Variants in SECISBP2 observed in about 807,000 individuals in gnomAD.
The protein encoded by SECISBP2 is selenocysteine insertion sequence-binding protein 2.
A neutral mutation model predicts 98.2 loss-of-function variants in SECISBP2; 96 were observed. That is an observed-to-expected ratio of 0.98 (90% confidence interval 0.83 to 1.16). The LOEUF (loss-of-function observed/expected upper bound fraction) is 1.16. SECISBP2 is among the 50% of genes most tolerant of loss of function. SECISBP2 has a pLI of 0.00. For synonymous variants in SECISBP2, 407 were observed against 370.2 expected, an observed-to-expected ratio of 1.10 and a Z score of -1.14; for missense variants, 1,046 against 1,022.9, an observed-to-expected ratio of 1.02 and a Z score of -0.31.
intron 5 of SECISBP2, 160 bp downstream of exon 5, chr9:89,329,046 T>G (rs1827271229): frequency 1.6e-6 from 1 of 637,872 alleles, no homozygotes; most frequent in Non-Finnish European, 2.8e-6. Context: ...ATGACCTTCT[T>G]TGTTTGAACA....
chr9:89,353,780 A>G (rs1782215673), intron 14 of SECISBP2, among the ~76,000 whole-genome samples: 1 of 152,236 alleles, frequency 6.6e-6, no homozygotes, highest in Non-Finnish European at 1.5e-5. Flanking sequence ...GGAAGACATC[A>G]TTCTCCTTCT....
downstream of SECISBP2, chr9:89,359,735 T>C (rs968908392): frequency 1.3e-5 from 2 of 152,218 alleles, no homozygotes; most frequent in African/African-American, 4.8e-5. Flanking sequence ...TTGGACAGTC[T>C]GGGCCCTGAA....
chr9:89,341,494 C>G lies in SECISBP2; in HGVS notation c.1435+15C>G, dbSNP rs1253702197. The G allele has an allele frequency of 6.2e-7, 1 of 1,613,748 alleles. No individual in the cohort carries two copies. Among genetic ancestry groups the G allele is most frequent in the Admixed American group, 1.7e-5 (1 of 60,006 alleles). On this transcript the variant is annotated intron_variant, in intron 10 of 16. Coordinates refer to ENST00000375807, the MANE Select transcript of SECISBP2 (RefSeq NM_024077.5). The stretch of plus-strand genomic sequence containing the variant: ...GGTAGTCTCAGGTAAGAGAGTCTTT[C>G]CATCTCAGGCAAGTGATTGGAAGTC...
At position 89,334,438 on chromosome 9, in the gene SECISBP2, C is replaced by T; in HGVS notation, c.881-84C>T. On this transcript the variant is annotated intron_variant, in intron 6 of 16. Transcript: ENST00000375807. ...CATTTAATGATGCTCTGAGCAGTTA[C>T]CTCATGTAATGCATGTTTGAGTAAC... The T allele has an allele frequency of 3.6e-6, 4 of 1,096,972 alleles. No homozygotes were observed. The East Asian group carries it at 9.5e-5, about 26-fold the overall frequency. The allele number at this position is 1,096,972 out of a possible 1,614,324, so 68.0% of individuals were successfully genotyped here. A position where few individuals can be genotyped will look rare whatever the true frequency, so the allele number is the denominator to read the frequency against.
chr9:89,326,168 G>A, intron 4 of SECISBP2, 130 bp downstream of exon 4: 1 of 1,132,770 alleles, frequency 8.8e-7, no homozygotes, highest in East Asian at 2.4e-5. Context: ...ACCTGGGTCT[G>A]ACACAGCTTA....
downstream of SECISBP2, chr9:89,363,436 C>T: frequency 1.2e-6 from 2 of 1,613,296 alleles, no homozygotes; most frequent in Non-Finnish European, 1.7e-6. Flanking sequence ...TTACCCACGC[C>T]TTCCTCCAGC....
chr9:89,356,592 T>G (rs1234648166), intron 14 of SECISBP2: 1 of 152,188 alleles, frequency 6.6e-6, no homozygotes, highest in Non-Finnish European at 1.5e-5. Context: ...CCTGAGTAGA[T>G]TGACTACAGG....
intron 14 of SECISBP2, chr9:89,354,753 T>G: frequency 1.0e-6 from 1 of 985,286 alleles, no homozygotes; most frequent in East Asian, 1.1e-4. Flanking sequence ...CTCTGTTAGG[T>G]TGTTTCTGCA....
At position 89,332,961 on chromosome 9, in the gene SECISBP2, T is replaced by G. The variant is rs1279766049; in HGVS notation, c.855T>G (p.Ala285=). The change falls in exon 6 of 17, where the codon GCT becomes GCG. Residue 285 remains alanine, a synonymous_variant. Coordinates refer to ENST00000375807, the MANE Select transcript of SECISBP2 (RefSeq NM_024077.5). The part of the protein sequence containing the change: ...NPNESVTANA[A]TNSPSCTREL... Reference sequence around the variant, plus strand: ...ATGAATCTGTAACTGCTAATGCCGCTACCAATTCTCCTTCATGTACAAGAG... The same window carrying G: ...ATGAATCTGTAACTGCTAATGCCGCGACCAATTCTCCTTCATGTACAAGAG... The G allele has an allele frequency of 6.2e-7, 1 of 1,613,940 alleles. No individual in the cohort carries two copies.
Position 89,338,440 on chromosome 9 carries a change from T to C in SECISBP2, c.1090-18T>C. On this transcript the variant is annotated intron_variant, in intron 7 of 16. Coordinates refer to ENST00000375807, the MANE Select transcript of SECISBP2 (RefSeq NM_024077.5). ...CCGCCCTAAAAACAGGATTTTTTGC[T>C]TTGATTTTCTGTTCTAGTCTAAAGC... The C allele has an allele frequency of 1.2e-6, 2 of 1,612,596 alleles. No individual in the cohort carries two copies. The highest frequency in any genetic ancestry group is 1.1e-5 in the South Asian group (1 of 90,638).
intron 14 of SECISBP2, chr9:89,354,794 C>G: frequency 1.0e-6 from 1 of 985,382 alleles, no homozygotes; most frequent in Non-Finnish European, 1.2e-6. Flanking sequence ...AGATTCACTC[C>G]CGGGAGCTGG....
At chr9:89,334,017 G>A (rs1024566725) in intron 6 of SECISBP2, 44 of 1,056,670 alleles carry the variant, frequency 4.2e-5, no homozygotes, top group Non-Finnish European at 4.7e-5. Flanking sequence ...TGTTTTGTCT[G>A]TATATAGAGT....
At position 89,358,863 on chromosome 9, in the gene SECISBP2, G is replaced by A. The variant is rs759259912; in HGVS notation, c.*39G>A. On this transcript the variant is annotated 3_prime_UTR_variant, in exon 17 of 17. Transcript: ENST00000375807. Reference sequence around the variant, plus strand: ...TGTGTCTGTATTTTGGGTAAGGAGGGGAGGTCTGAAAAAGACTTTGGGGCT... The same window carrying A: ...TGTGTCTGTATTTTGGGTAAGGAGGAGAGGTCTGAAAAAGACTTTGGGGCT... 2 of 1,350,214 alleles carry A rather than the reference G, an allele frequency of 1.5e-6. No individual in the cohort carries two copies. The highest frequency in any genetic ancestry group is 2.9e-5 in the African/African-American group (2 of 69,584). The allele number at this position is 1,350,214 out of a possible 1,614,324, so 83.6% of individuals were successfully genotyped here.
At position 89,350,751 on chromosome 9, in the gene SECISBP2, G is replaced by A. The variant is rs775342703; in HGVS notation, c.2012G>A (p.Arg671His). 10 of 1,614,100 alleles carry A rather than the reference G, an allele frequency of 6.2e-6. No homozygotes were observed. The African/African-American group carries it at 8.0e-5, about 13-fold the overall frequency. ...QKDPVKAKTKRRLVLGLREVL... is the reference protein window; with the variant it reads ...QKDPVKAKTKHRLVLGLREVL... ...GATCCAGTCAAGGCCAAGACTAAAC[G>A]TCGACTTGTGTTGGGGTTGAGGGAG... The change falls in exon 14 of 17, where the codon CGT becomes CAT. Residue 671 changes from arginine (R) to histidine (H), a missense_variant. Arg to His is a conservative substitution (Grantham distance 29, BLOSUM62 0). Transcript: ENST00000375807.
chr9:89,323,763 C>T (rs1408110798), intron 2 of SECISBP2: 1 of 152,214 alleles, frequency 6.6e-6, no homozygotes, highest in Non-Finnish European at 1.5e-5. Context: ...TGAGTTACTG[C>T]TTTGATGTTT....
intron 14 of SECISBP2, 31 bp downstream of exon 14, chr9:89,350,883 G>C (rs1831182277): frequency 6.3e-7 from 1 of 1,588,620 alleles, no homozygotes; most frequent in Non-Finnish European, 8.6e-7. Context: ...TGTGATATGT[G>C]GGCCCCTGCA....
the SECISBP2 span, among the ~76,000 whole-genome samples, chr9:89,366,132 C>T: frequency 6.6e-6 from 1 of 152,080 alleles, no homozygotes; most frequent in Admixed American, 6.5e-5. Context: ...GAAGTGCCAT[C>T]GAAGAATATT....
downstream of SECISBP2, chr9:89,363,386 C>G: frequency 6.2e-7 from 1 of 1,602,256 alleles, no homozygotes; most frequent in Middle Eastern, 1.7e-4. Flanking sequence ...GTGCCCTGCC[C>G]CTGGCTCCAG....
At position 89,341,379 on chromosome 9, in the gene SECISBP2, G is replaced by C; in HGVS notation, c.1335G>C (p.Gln445His). ...DNFKNNVKKSQLPVQLDLGGM... is the reference protein window; with the variant it reads ...DNFKNNVKKSHLPVQLDLGGM... ...TTAAAAATAATGTAAAGAAGAGCCA[G>C]CTTCCAGTGCAGTTGGACTTGGGGG... The change falls in exon 10 of 17, where the codon CAG becomes CAC. Residue 445 changes from glutamine (Q) to histidine (H), a missense_variant. Transcript: ENST00000375807. 2 of 1,613,808 alleles carry C rather than the reference G, an allele frequency of 1.2e-6. No homozygotes were observed. Among genetic ancestry groups the C allele is most frequent in the Non-Finnish European group, 1.7e-6 (2 of 1,179,770 alleles).
Sources: allele counts gnomAD v4.1 joint callset (sites outside exome capture counted in the v4.1 genomes callset), GRCh38; gene constraint gnomAD v4.1.1; transcripts MANE v1.5; gene names NCBI Gene and HGNC (gene_info 2026-07-23, HGNC 2026-07-21).